ZP3: variants seen among roughly 807,000 people sequenced by gnomAD.
The protein encoded by ZP3 is zona pellucida sperm-binding protein 3.
Under a neutral mutation model 35.6 loss-of-function variants are expected in ZP3, and 21 were observed. That is an observed-to-expected ratio of 0.59 (90% CI 0.42 to 0.85). The LOEUF is 0.85. Among genes scored for constraint, ZP3 ranks in the 40% least tolerant of loss-of-function variants. The pLI, the probability that ZP3 is intolerant of heterozygous loss-of-function variation, is 0.00. For missense variants in ZP3, 437 were observed against 536.5 expected (o/e 0.81, Z 1.83); for synonymous variants, 207 against 214.5 (o/e 0.96, Z 0.31).
chr7:76,423,007 A>AGAG (rs1805544024), upstream of ZP3, among the ~76,000 whole-genome samples: 1 of 76,066 alleles, frequency 1.3e-5, no homozygotes, highest in Admixed American at 1.8e-4. Flanking sequence ...AAAAGAAAGA[A>AGAG]AGAGAGAGAG....
intron 1 of ZP3, among the ~76,000 whole-genome samples, chr7:76,402,624 T>G (rs1804868211): frequency 1.3e-5 from 2 of 151,964 alleles, no homozygotes. Flanking sequence ...TGGCCTTGAG[T>G]CTTTCTGCTT....
chr7:76,407,968 G>A (rs1805095115), intron 1 of ZP3, among the ~76,000 whole-genome samples: 1 of 152,190 alleles, frequency 6.6e-6, no homozygotes, highest in African/African-American at 2.4e-5. Flanking sequence ...AGAGGAAGGA[G>A]AGATGCGAAG....
Position 76,417,370 on chromosome 7 carries a change from A to C in ZP3, c.-66-7682A>C, listed in dbSNP as rs567857121. Among the ~76,000 whole-genome samples the C allele has an allele frequency of 6.5e-4, 99 of 151,524 alleles. 1 individual carries two copies. Among genetic ancestry groups the C allele is most frequent in the Admixed American group, 2.4e-3 (37 of 15,192 alleles). ...CACCGTGCCCGGCCTCATATCCCTAACTTTCATTGCATCCCTTACTGTGCA... is the reference window on the plus strand; with the variant it reads ...CACCGTGCCCGGCCTCATATCCCTACCTTTCATTGCATCCCTTACTGTGCA... On this transcript the variant is annotated intron_variant, in intron 1 of 8. Coordinates refer to the ZP3 transcript ENST00000336517.
chr7:76,426,874 C>T (rs1425941219), intron 1 of ZP3, among the ~76,000 whole-genome samples: 3 of 126,692 alleles, frequency 2.4e-5, no homozygotes, highest in Non-Finnish European at 4.9e-5. Context: ...CTACCAAACA[C>T]CACACACACA....
Position 76,433,743 on chromosome 7 carries a change from G to C in ZP3, c.713+96G>C, listed in dbSNP as rs1362307808. 2.4e-5 allele frequency: 32 copies of C among 1,347,492 alleles called. 2 individuals carry two copies. In the South Asian group the frequency reaches 4.3e-4, roughly 18 times the overall value. 83.5% of individuals were successfully genotyped at this position (1,347,492 alleles called of 1,614,324 possible). The stretch of plus-strand genomic sequence containing the variant: ...TGAGACAGTGTCACTCTGTAACCCA[G>C]GCTGGAATACAGAGGCTTGATCTCT... On this transcript the variant is annotated intron_variant, in intron 4 of 7. Transcript: ENST00000394857.
At position 76,419,645 on chromosome 7, in the gene ZP3, TTCTC is replaced by T. The variant is rs565288449; in HGVS notation, c.-66-5395_-66-5392del. On this transcript the variant is annotated intron_variant, in intron 1 of 8. Transcript: ENST00000336517. ...CTTTCTTTCTTTTTCTTTCTTTCTTTTCTCTCTCTCTCTCTTTCTTTCTTTCTTT... is the reference window on the plus strand; with the variant it reads ...CTTTCTTTCTTTTTCTTTCTTTCTTTTCTCTCTCTCTTTCTTTCTTTCTTT... Among the ~76,000 whole-genome samples the T allele has an allele frequency of 7.3e-4, 110 of 151,294 alleles. 1 individual carries two copies. The highest frequency in any genetic ancestry group is 2.2e-3 in the African/African-American group (89 of 41,184).
Position 76,416,814 on chromosome 7 carries a change from C to CTA in ZP3, c.-66-8237_-66-8236insAT, listed in dbSNP as rs1434537409. On this transcript the variant is annotated intron_variant, in intron 1 of 8. Transcript: ENST00000336517. ...ATGCTGTCTCTCTCTCTCTCTCTCT[C>CTA]TCTATATATATATACATATACATAC... Among the ~76,000 whole-genome samples the CTA allele has an allele frequency of 7.1e-3, 938 of 131,768 alleles. 13 individuals carry two copies. Among genetic ancestry groups the CTA allele is most frequent in the African/African-American group, 0.017 (595 of 34,358 alleles). 86.4% of individuals were successfully genotyped at this position (131,768 alleles called of 152,430 possible). A position where few individuals can be genotyped will look rare whatever the true frequency, so the allele number is the denominator to read the frequency against.
At chr7:76,405,351 T>TC (rs1390260649) in intron 1 of ZP3, among the ~76,000 whole-genome samples, 17 of 103,588 alleles carry the variant, frequency 1.6e-4, no homozygotes, top group South Asian at 3.3e-4. Context: ...TTTTTTTTTT[T>TC]TTTTTTTTTT....
chr7:76,404,209 C>G (rs372992436), intron 1 of ZP3: 2 of 1,418,178 alleles, frequency 1.4e-6, no homozygotes, highest in East Asian at 5.0e-5. Flanking sequence ...ACAACAGGAA[C>G]GAGCTCATTC....
intron 1 of ZP3, chr7:76,398,617 T>C: frequency 7.4e-7 from 1 of 1,344,840 alleles, no homozygotes; most frequent in African/African-American, 1.5e-5. Flanking sequence ...TTTCTCTAAC[T>C]TTACATCTTC....
chr7:76,426,900 A>ACC (rs1805677494), intron 1 of ZP3, among the ~76,000 whole-genome samples: 1 of 142,288 alleles, frequency 7.0e-6, no homozygotes, highest in Non-Finnish European at 1.5e-5. Flanking sequence ...ACACACACAC[A>ACC]CACACACAAT....
chr7:76,411,071 G>C (rs186607189), intron 1 of ZP3, among the ~76,000 whole-genome samples: 1 of 149,552 alleles, frequency 6.7e-6, no homozygotes, highest in East Asian at 2.0e-4. Context: ...AAATCTCCAC[G>C]CCCCTGCTGC....
At chr7:76,401,258 T>TAG (rs1394636083) in intron 1 of ZP3, among the ~76,000 whole-genome samples, 1 of 152,112 alleles carries the variant, frequency 6.6e-6, no homozygotes, top group Non-Finnish European at 1.5e-5. Flanking sequence ...TGGGCCAACC[T>TAG]AGAGAGATCT....
At chr7:76,410,606 C>T (rs1805216504) in intron 1 of ZP3, among the ~76,000 whole-genome samples, 1 of 151,916 alleles carries the variant, frequency 6.6e-6, no homozygotes, top group South Asian at 2.1e-4. Context: ...AGACTGAGGC[C>T]AAGGGAGGAA....
chr7:76,433,838 AC>A, intron 4 of ZP3, 191 bp downstream of exon 4: 1 of 1,056,106 alleles, frequency 9.5e-7, no homozygotes, highest in South Asian at 1.6e-5. Flanking sequence ...AGCTGAGATT[AC>A]AGGTGCCCAT....
At chr7:76,435,319 A>AT (rs1258805130) in intron 5 of ZP3, among the ~76,000 whole-genome samples, 10 of 152,164 alleles carry the variant, frequency 6.6e-5, no homozygotes, top group African/African-American at 1.7e-4. Context: ...TGCCTGGCTA[A>AT]TTTTTTTGTA....
chr7:76,428,278 G>A (rs1805729240), intron 1 of ZP3, among the ~76,000 whole-genome samples: 2 of 152,146 alleles, frequency 1.3e-5, no homozygotes, highest in East Asian at 1.9e-4. Context: ...CCGAGTTCGT[G>A]CCACTGCACT....
intron 7 of ZP3, among the ~76,000 whole-genome samples, chr7:76,441,121 A>G (rs1806184497): frequency 1.3e-5 from 2 of 151,298 alleles, no homozygotes; most frequent in Non-Finnish European, 2.9e-5. Flanking sequence ...CAGTGAGCCG[A>G]GATTGCACCA....
At chr7:76,413,606 T>C (rs201181239) in intron 1 of ZP3, among the ~76,000 whole-genome samples, 2 of 28,680 alleles carry the variant, frequency 7.0e-5, no homozygotes, top group Admixed American at 5.2e-4. Context: ...AAAATAAAAC[T>C]TTTTTTTAAA....
Sources: gnomAD v4.1 joint callset for allele counts (sites outside exome capture counted in the v4.1 genomes callset) on GRCh38, gnomAD v4.1.1 for gene constraint, MANE v1.5 for transcripts, NCBI Gene and HGNC (gene_info 2026-07-23, HGNC 2026-07-21) for gene names.